The following PAN3 variants were observed in gnomAD, a reference collection of about 807,000 sequenced individuals.
PAN3 encodes the protein PAN2-PAN3 deadenylation complex subunit PAN3.
Under a neutral mutation model 96.2 loss-of-function variants are expected in PAN3, and 19 were observed. The observed-to-expected ratio is 0.20, with a 90% CI of 0.14 to 0.29. The LOEUF is 0.29. Ranked by LOEUF, PAN3 falls within the 10% of genes least tolerant of loss-of-function variation. The probability of loss-of-function intolerance (pLI) is 1.00; values close to 1 mark genes in which losing one functional copy is unlikely to be tolerated. For missense variants in PAN3, 882 were observed against 1,108.1 expected (o/e 0.80, Z 2.90); for synonymous variants, 433 against 406.6 (o/e 1.06, Z -0.78).
At chr13:28,278,549 T>C (rs900355566) in intron 15 of PAN3, among the ~76,000 whole-genome samples, 28 of 152,262 alleles carry the variant, frequency 1.8e-4, no homozygotes, top group African/African-American at 5.8e-4. Context: ...TATTCTATTA[T>C]AAATGTTTGA....
chr13:28,141,625 G>C (rs547810762), intron 1 of PAN3, among the ~76,000 whole-genome samples: 1 of 151,464 alleles, frequency 6.6e-6, no homozygotes, highest in Non-Finnish European at 1.5e-5. Context: ...GCACCACCAC[G>C]CTCAGCTAAT....
chr13:28,219,407 C>G (rs1224396330), intron 5 of PAN3, among the ~76,000 whole-genome samples: 2 of 149,462 alleles, frequency 1.3e-5, no homozygotes, highest in Non-Finnish European at 3.0e-5. Context: ...CCTTCCAGAT[C>G]TAGTATTTTG....
chr13:28,216,314 C>G (rs1880763189), intron 5 of PAN3, among the ~76,000 whole-genome samples: 1 of 151,694 alleles, frequency 6.6e-6, no homozygotes, highest in African/African-American at 2.4e-5. Flanking sequence ...TTCCTGGAGA[C>G]TTGGGGGCAG....
chr13:28,233,342 C>A (rs1882774969), intron 6 of PAN3, among the ~76,000 whole-genome samples: 1 of 151,252 alleles, frequency 6.6e-6, no homozygotes, highest in Admixed American at 6.6e-5. Flanking sequence ...TCTCGGCTCA[C>A]TGCAACCTTG....
chr13:28,213,608 TTATG>T (rs1234595530), intron 5 of PAN3, among the ~76,000 whole-genome samples: 1 of 151,724 alleles, frequency 6.6e-6, no homozygotes, highest in Non-Finnish European at 1.5e-5. Flanking sequence ...CGTACTATGG[TTATG>T]TAAGATGTTA....
intron 9 of PAN3, 35 bp downstream of exon 9, chr13:28,261,493 G>A: frequency 6.4e-7 from 1 of 1,570,430 alleles, no homozygotes; most frequent in Non-Finnish European, 8.7e-7. Context: ...TTCTTTTAAA[G>A]GCTGTTATAA....
At chr13:28,182,510 CAG>C (rs1875926125) in intron 4 of PAN3, among the ~76,000 whole-genome samples, 1 of 152,094 alleles carries the variant, frequency 6.6e-6, no homozygotes, top group African/African-American at 2.4e-5. Flanking sequence ...ACGGAGATAA[CAG>C]ATTTTCACTT....
intron 6 of PAN3, chr13:28,239,443 G>C (rs1385701377): frequency 2.8e-6 from 1 of 361,754 alleles, no homozygotes; most frequent in Non-Finnish European, 5.3e-6. Context: ...AGATGCCTTT[G>C]GTTCATTGGC....
intron 4 of PAN3, among the ~76,000 whole-genome samples, chr13:28,183,447 T>G (rs1458322294): frequency 6.6e-6 from 1 of 152,184 alleles, no homozygotes; most frequent in Non-Finnish European, 1.5e-5. Context: ...CACCTCCGCT[T>G]GTCAAGATGG....
chr13:28,238,758 A>G (rs933736746), intron 6 of PAN3, among the ~76,000 whole-genome samples: 2 of 152,198 alleles, frequency 1.3e-5, no homozygotes, highest in Admixed American at 6.5e-5. Context: ...CAGTGTTATG[A>G]AATTAGCTTG....
Position 28,277,216 on chromosome 13 carries a change from ATATT to A in PAN3, c.2050-16_2050-13del, listed in dbSNP as rs770241318. 3 of 1,592,690 alleles carry A rather than the reference ATATT, an allele frequency of 1.9e-6. No homozygotes were observed. Among genetic ancestry groups the A allele is most frequent in the East Asian group, 4.5e-5 (2 of 44,698 alleles). On this transcript the variant is annotated splice_polypyrimidine_tract_variant and intron_variant, in intron 14 of 18. Coordinates refer to ENST00000380958, the MANE Select transcript of PAN3 (RefSeq NM_175854.8). ...ACCTGTGAAATGAAAATTAAAAGTT[ATATT>A]TATTCTTTCATGTCAGCAAGCAGAT...
At chr13:28,219,073 C>G (rs1249163777) in intron 5 of PAN3, among the ~76,000 whole-genome samples, 3 of 152,138 alleles carry the variant, frequency 2.0e-5, no homozygotes, top group Non-Finnish European at 4.4e-5. Flanking sequence ...CTCCAGAAAT[C>G]AAGGAATTGG....
intron 15 of PAN3, among the ~76,000 whole-genome samples, chr13:28,279,728 C>T (rs960439613): frequency 1.3e-4 from 19 of 151,642 alleles, no homozygotes; most frequent in African/African-American, 4.4e-4. Context: ...CCACTGCACT[C>T]CAGCCTGGCA....
At chr13:28,257,987 C>CT (rs952162118) in intron 7 of PAN3, among the ~76,000 whole-genome samples, 4 of 151,322 alleles carry the variant, frequency 2.6e-5, no homozygotes, top group Admixed American at 6.6e-5. Context: ...ACTTTTGTAT[C>CT]TTTAATAGAG....
intron 6 of PAN3, 115 bp downstream of exon 6, chr13:28,220,493 A>C: frequency 1.6e-6 from 2 of 1,276,876 alleles, no homozygotes; most frequent in Non-Finnish European, 2.1e-6. Flanking sequence ...TTGAACATTA[A>C]GAGCTTTATG....
intron 5 of PAN3, among the ~76,000 whole-genome samples, 185 bp from the exon 6 acceptor site, chr13:28,220,046 G>C (rs1172937269): frequency 6.6e-6 from 1 of 152,156 alleles, no homozygotes; most frequent in Admixed American, 6.6e-5. Flanking sequence ...CTTCAAATTT[G>C]ATGATCAGAT....
intron 5 of PAN3, among the ~76,000 whole-genome samples, chr13:28,197,565 T>A (rs1218892472): frequency 6.6e-6 from 1 of 152,080 alleles, no homozygotes; most frequent in African/African-American, 2.4e-5. Context: ...AATATTTTAC[T>A]TTTGTTTGTT....
At chr13:28,184,789 A>T (rs2138157247) in intron 4 of PAN3, among the ~76,000 whole-genome samples, 1 of 152,216 alleles carries the variant, frequency 6.6e-6, no homozygotes, top group East Asian at 1.9e-4. Flanking sequence ...ATTGGTCATT[A>T]GTGTTATTTT....
intron 5 of PAN3, among the ~76,000 whole-genome samples, chr13:28,204,966 A>C (rs1433772243): frequency 6.6e-6 from 1 of 152,182 alleles, no homozygotes; most frequent in Non-Finnish European, 1.5e-5. Context: ...TTTTGATGCT[A>C]CTTTTTTCCC....
Sources: gnomAD v4.1 joint callset for allele counts (sites outside exome capture counted in the v4.1 genomes callset) on GRCh38, gnomAD v4.1.1 for gene constraint, MANE v1.5 for transcripts, NCBI Gene and HGNC (gene_info 2026-07-23, HGNC 2026-07-21) for gene names.